CENPP: variants seen among roughly 807,000 people sequenced by gnomAD.
CENPP encodes centromere protein P.
Under a neutral mutation model 35.6 loss-of-function variants are expected in CENPP, and 24 were observed. The observed-to-expected ratio is 0.67, with a 90% CI of 0.49 to 0.95. The LOEUF (loss-of-function observed/expected upper bound fraction) is 0.95, where lower values mean the gene tolerates loss of function less well. Ranked by LOEUF, CENPP falls within the 40% of genes least tolerant of loss-of-function variation. The pLI is 0.00. For missense variants in CENPP, 332 were observed against 345.3 expected (o/e 0.96, Z 0.31); for synonymous variants, 120 against 125.5 (o/e 0.96, Z 0.29).
chr9:92,390,129 G>C, intron 5 of CENPP: 1 of 839,138 alleles, frequency 1.2e-6, no homozygotes, highest in Non-Finnish European at 1.9e-6. Flanking sequence ...AAAAGCATTT[G>C]TTTAACAGAT....
At chr9:92,352,901 T>C (rs966890100) in intron 4 of CENPP, among the ~76,000 whole-genome samples, 1 of 152,074 alleles carries the variant, frequency 6.6e-6, no homozygotes, top group Non-Finnish European at 1.5e-5. Context: ...CAATCCAATC[T>C]AGTTGACACT....
chr9:92,331,472 G>A (rs1408957374), intron 1 of CENPP, among the ~76,000 whole-genome samples: 6 of 152,330 alleles, frequency 3.9e-5, no homozygotes, highest in Middle Eastern at 3.4e-3. Context: ...GAGCCACGGC[G>A]CCTGGCCTAT....
At chr9:92,418,613 C>T (rs910940692) in intron 5 of CENPP, among the ~76,000 whole-genome samples, 1 of 152,098 alleles carries the variant, frequency 6.6e-6, no homozygotes, top group Non-Finnish European at 1.5e-5. Context: ...ATGGTCACTG[C>T]CTGGGGGAGG....
chr9:92,478,086 A>C lies in CENPP; in HGVS notation c.564+98227A>C, dbSNP rs146629520. ...AGAATGTACAAACCTGGTAAGAGGG[A>C]TAATGGGATTATAAGCAAAGCATTT... On this transcript the variant is annotated intron_variant, in intron 5 of 7. Transcript: ENST00000375587. 1.9e-4 allele frequency among the ~76,000 whole-genome samples: 29 copies of C among 152,292 alleles called. 1 individual carries two copies. In the East Asian group the frequency reaches 4.4e-3, roughly 23 times the overall value.
chr9:92,485,148 TTA>T (rs1255546443), intron 5 of CENPP, among the ~76,000 whole-genome samples: 1 of 152,188 alleles, frequency 6.6e-6, no homozygotes, highest in Non-Finnish European at 1.5e-5. Flanking sequence ...AAACTGGAGT[TTA>T]TCTCCACCCT....
intron 5 of CENPP, among the ~76,000 whole-genome samples, chr9:92,410,791 A>C (rs528921555): frequency 6.6e-6 from 1 of 152,046 alleles, no homozygotes; most frequent in African/African-American, 2.4e-5. Context: ...GATACCTCCA[A>C]CTCATGTGCA....
At chr9:92,470,156 C>A (rs1290298229) in intron 5 of CENPP, among the ~76,000 whole-genome samples, 2 of 152,112 alleles carry the variant, frequency 1.3e-5, no homozygotes, top group African/African-American at 4.8e-5. Context: ...AAGTAGTAAT[C>A]TTTTAAATCC....
At chr9:92,514,304 T>A (rs1392609942) in intron 5 of CENPP, among the ~76,000 whole-genome samples, 1 of 149,548 alleles carries the variant, frequency 6.7e-6, no homozygotes, top group Non-Finnish European at 1.5e-5. Context: ...AGATGGAGTC[T>A]CGCTCAAGTG....
Position 92,514,913 on chromosome 9 carries a change from TCTC to T in CENPP, c.565-96397_565-96395del, listed in dbSNP as rs757571307. The T allele has an allele frequency of 5.5e-5, 88 of 1,613,594 alleles. No individual in the cohort carries two copies. In the African/African-American group the frequency reaches 9.1e-4, roughly 17 times the overall value. ...CGTTGTTGCTGGTGTGCCAGCCTCC[TCTC>T]CTCTCCAGGCCTCTGCTTTCTGTCT... On this transcript the variant is annotated intron_variant, in intron 5 of 7. Coordinates refer to ENST00000375587, the MANE Select transcript of CENPP (RefSeq NM_001012267.3).
intron 5 of CENPP, among the ~76,000 whole-genome samples, chr9:92,446,419 A>T (rs10761160): frequency 0.37 from 55,662 of 152,088 alleles, 12,519 homozygotes; most frequent in African/African-American, 0.63. Context: ...CCATTAATAA[A>T]TACTTAATAA....
intron 5 of CENPP, among the ~76,000 whole-genome samples, chr9:92,576,147 A>G (rs564687218): frequency 1.8e-4 from 27 of 152,354 alleles, no homozygotes; most frequent in Admixed American, 1.4e-3. Flanking sequence ...CAGTCTGTCC[A>G]TATAATGGAA....
At chr9:92,348,269 G>A (rs1284826601) in intron 4 of CENPP, among the ~76,000 whole-genome samples, 1 of 150,812 alleles carries the variant, frequency 6.6e-6, no homozygotes, top group Non-Finnish European at 1.5e-5. Flanking sequence ...GACAAAACGT[G>A]TTTTTGTATA....
chr9:92,442,255 G>T (rs575066452), intron 5 of CENPP, among the ~76,000 whole-genome samples: 21 of 151,722 alleles, frequency 1.4e-4, no homozygotes, highest in African/African-American at 4.8e-4. Context: ...AAAATTAGCC[G>T]AGCGTGGTGG....
chr9:92,573,405 C>T (rs1850199678), intron 5 of CENPP, among the ~76,000 whole-genome samples: 1 of 152,236 alleles, frequency 6.6e-6, no homozygotes, highest in Non-Finnish European at 1.5e-5. Flanking sequence ...GCGGATGCTG[C>T]AGAACAGCAA....
chr9:92,474,207 G>T (rs1452313157), intron 5 of CENPP, among the ~76,000 whole-genome samples: 1 of 152,186 alleles, frequency 6.6e-6, no homozygotes, highest in East Asian at 1.9e-4. Flanking sequence ...AAAAGGTCTA[G>T]ATTAGAGATT....
At chr9:92,567,373 G>GGAT (rs1849996453) in intron 5 of CENPP, among the ~76,000 whole-genome samples, 1 of 129,090 alleles carries the variant, frequency 7.7e-6, no homozygotes, top group Non-Finnish European at 1.6e-5. Context: ...ACATAAGATA[G>GGAT]ATATATATAT....
chr9:92,552,160 A>T (rs1307979696), intron 5 of CENPP, among the ~76,000 whole-genome samples: 1 of 138,820 alleles, frequency 7.2e-6, no homozygotes, highest in Non-Finnish European at 1.5e-5. Flanking sequence ...TAGATCTATC[A>T]TATATATGTG....
chr9:92,362,997 T>A (rs1418486855), intron 4 of CENPP, among the ~76,000 whole-genome samples: 1 of 152,184 alleles, frequency 6.6e-6, no homozygotes, highest in Non-Finnish European at 1.5e-5. Context: ...TAATTCCTTA[T>A]TATATTTTTG....
intron 5 of CENPP, among the ~76,000 whole-genome samples, chr9:92,518,799 G>T (rs1448783648): frequency 6.6e-6 from 1 of 152,160 alleles, no homozygotes. Context: ...TGAGGCATAA[G>T]AATCGCTTGA....
Sources: allele counts gnomAD v4.1 joint callset (sites outside exome capture counted in the v4.1 genomes callset), GRCh38; gene constraint gnomAD v4.1.1; transcripts MANE v1.5; gene names NCBI Gene and HGNC (gene_info 2026-07-23, HGNC 2026-07-21).